Variants in ATP8B1 observed in about 807,000 individuals in gnomAD.
ATP8B1 encodes phospholipid-transporting ATPase IC.
Under a neutral mutation model 149.9 loss-of-function variants are expected in ATP8B1, and 80 were observed. The observed-to-expected ratio is 0.53, with a 90% CI of 0.45 to 0.64. ATP8B1 has a LOEUF of 0.64. Ranked by LOEUF, ATP8B1 falls within the 30% of genes least tolerant of loss-of-function variation. The pLI, the probability that ATP8B1 is intolerant of heterozygous loss-of-function variation, is 0.00. For missense variants in ATP8B1, 1,247 were observed against 1,552.6 expected, an observed-to-expected ratio of 0.80 and a Z score of 3.31; for synonymous variants, 536 against 562.8, an observed-to-expected ratio of 0.95 and a Z score of 0.67.
At chr18:57,691,117 G>A (rs1401887570) in intron 12 of ATP8B1, among the ~76,000 whole-genome samples, 1 of 150,514 alleles carries the variant, frequency 6.6e-6, no homozygotes, top group Non-Finnish European at 1.5e-5. Context: ...AGAGGTTGCA[G>A]TGAGCCTAGA....
chr18:57,709,047 C>T (rs1233455843), intron 2 of ATP8B1, among the ~76,000 whole-genome samples: 3 of 152,172 alleles, frequency 2.0e-5, no homozygotes, highest in South Asian at 2.1e-4. Flanking sequence ...GCAATTGAAC[C>T]GCAAACACGT....
At chr18:57,659,800 AAGGAGG>A (rs1452566929) in intron 22 of ATP8B1, 1 of 152,228 alleles carries the variant, frequency 6.6e-6, no homozygotes, top group African/African-American at 2.4e-5. Context: ...AGTATACATC[AAGGAGG>A]AGGAGGAGAC....
intron 11 of ATP8B1, among the ~76,000 whole-genome samples, chr18:57,692,454 T>TA (rs60240971): frequency 2.3e-4 from 19 of 82,508 alleles, no homozygotes; most frequent in Non-Finnish European, 3.4e-4. Flanking sequence ...TTTTTTTTTT[T>TA]AGACAGCGTC....
At chr18:57,661,152 T>A (rs755157556) in intron 22 of ATP8B1, 22 bp downstream of exon 22, 55 of 1,611,882 alleles carry the variant, frequency 3.4e-5, no homozygotes, top group Non-Finnish European at 4.4e-5. Flanking sequence ...TGGGCCTCAC[T>A]GGCCGTGGGT....
chr18:57,710,392 G>A (rs547566194), intron 2 of ATP8B1, among the ~76,000 whole-genome samples: 144 of 152,224 alleles, frequency 9.5e-4, no homozygotes, highest in Admixed American at 1.4e-3. Flanking sequence ...GCTCTCCAGA[G>A]TGTTCCCATG....
At chr18:57,703,343 G>C (rs1038128536) in intron 4 of ATP8B1, among the ~76,000 whole-genome samples, 15 of 152,252 alleles carry the variant, frequency 9.9e-5, no homozygotes, top group African/African-American at 3.6e-4. Context: ...GCTGAGGCGG[G>C]TGGATCACCT....
At chr18:57,756,305 A>ATATACATATACATATATATATATG (rs1555653786) in intron 1 of ATP8B1, among the ~76,000 whole-genome samples, 1 of 106,130 alleles carries the variant, frequency 9.4e-6, no homozygotes, top group Non-Finnish European at 1.9e-5. Context: ...GTGTATGTAT[A>ATATACATATACATATATATATATG]TATATATATA....
chr18:57,648,852 T>TTG lies in ATP8B1; in HGVS notation c.3532-142_3532-141dup, dbSNP rs1161789963. 1,094 of 557,586 alleles carry TTG rather than the reference T, an allele frequency of 2.0e-3. 16 individuals carry two copies. In the African/African-American group the frequency reaches 0.021, roughly 11 times the overall value. 34.5% of individuals were successfully genotyped at this position (557,586 alleles called of 1,614,324 possible). ...TTGATGCAGGCAGTTCTGTCCCCAC[T>TTG]TGTGTGTGTGTGTGTGTGTGTGTGT... On this transcript the variant is annotated intron_variant, in intron 27 of 27. Coordinates refer to ENST00000648908, the MANE Select transcript of ATP8B1 (RefSeq NM_001374385.1).
chr18:57,797,425 C>G (rs1392351766), intron 1 of ATP8B1, among the ~76,000 whole-genome samples: 1 of 152,220 alleles, frequency 6.6e-6, no homozygotes, highest in East Asian at 1.9e-4. Context: ...GCCTTCGCCA[C>G]TGAAAGGCTG....
At position 57,765,887 on chromosome 18, in the gene ATP8B1, G is replaced by A. The variant is rs188640037; in HGVS notation, c.-25-34055C>T. 3.5e-3 allele frequency among the ~76,000 whole-genome samples: 527 copies of A among 150,318 alleles called. 7 individuals carry two copies. Among genetic ancestry groups the A allele is most frequent in the African/African-American group, 0.012 (496 of 40,864 alleles). ...CTCAGGAGGCTGAGGCAGGAGAATC[G>A]CTCGAACCCCGGAGGCAGAGGTTGC... On this transcript the variant is annotated intron_variant, in intron 1 of 27. Coordinates refer to ENST00000648908, the MANE Select transcript of ATP8B1 (RefSeq NM_001374385.1).
intron 1 of ATP8B1, among the ~76,000 whole-genome samples, chr18:57,740,041 C>T (rs1193105025): frequency 6.6e-6 from 1 of 152,096 alleles, no homozygotes; most frequent in Non-Finnish European, 1.5e-5. Context: ...TTAGAATGCA[C>T]CCTTACTCAT....
chr18:57,661,545 G>T (rs1910405407), intron 21 of ATP8B1, 83 bp from the exon 22 acceptor site: 2 of 1,451,692 alleles, frequency 1.4e-6, no homozygotes, highest in African/African-American at 1.4e-5. Context: ...ATTATGTGAA[G>T]GATAATTTTT....
intron 2 of ATP8B1, among the ~76,000 whole-genome samples, chr18:57,725,189 C>A: frequency 7.4e-6 from 1 of 134,934 alleles, no homozygotes; most frequent in African/African-American, 2.8e-5. Flanking sequence ...CAGCATGGCA[C>A]ATGTATACAT....
Position 57,666,468 on chromosome 18 carries a change from A to T in ATP8B1, c.2285+624T>A, listed in dbSNP as rs537470458. 7.9e-5 allele frequency among the ~76,000 whole-genome samples: 12 copies of T among 151,744 alleles called. No individual in the cohort carries two copies. In the South Asian group the frequency reaches 2.3e-3, roughly 29 times the overall value. ...TTCCTAGAAAAAGCAAAATAGGACT[A>T]TAATTCATATTAATTTGCTAGCGAT... On this transcript the variant is annotated intron_variant, in intron 20 of 27. Transcript: ENST00000648908.
intron 20 of ATP8B1, among the ~76,000 whole-genome samples, chr18:57,665,068 CAAGT>C (rs2122677813): frequency 6.6e-6 from 1 of 151,926 alleles, no homozygotes; most frequent in African/African-American, 2.4e-5. Flanking sequence ...CTGAAACAAG[CAAGT>C]GTCTCTGGAC....
At chr18:57,776,430 AAC>A (rs2123395989) in intron 1 of ATP8B1, among the ~76,000 whole-genome samples, 1 of 152,368 alleles carries the variant, frequency 6.6e-6, no homozygotes, top group East Asian at 1.9e-4. Flanking sequence ...GCAGGAAAGA[AAC>A]AGAGACATGA....
At chr18:57,776,763 A>G (rs1482693033) in intron 1 of ATP8B1, among the ~76,000 whole-genome samples, 1 of 152,110 alleles carries the variant, frequency 6.6e-6, no homozygotes, top group East Asian at 1.9e-4. Flanking sequence ...TTGGCTAGAA[A>G]ATAATAGGAG....
chr18:57,780,951 A>G (rs1282992525), intron 1 of ATP8B1, among the ~76,000 whole-genome samples: 5 of 152,218 alleles, frequency 3.3e-5, no homozygotes, highest in African/African-American at 1.2e-4. Flanking sequence ...TCCTTGTCTC[A>G]GCAAGGTATG....
At chr18:57,663,104 C>T (rs1910592374) in intron 20 of ATP8B1, among the ~76,000 whole-genome samples, 1 of 152,172 alleles carries the variant, frequency 6.6e-6, no homozygotes, top group African/African-American at 2.4e-5. Flanking sequence ...ACTCGCCCTC[C>T]AGTCCCTGGT....
Sources: allele counts gnomAD v4.1 joint callset (sites outside exome capture counted in the v4.1 genomes callset), GRCh38; gene constraint gnomAD v4.1.1; transcripts MANE v1.5; gene names NCBI Gene and HGNC (gene_info 2026-07-23, HGNC 2026-07-21).